GCLC: variants seen among roughly 807,000 people sequenced by gnomAD.
GCLC encodes glutamate-cysteine ligase catalytic subunit.
A neutral mutation model predicts 81.5 loss-of-function variants in GCLC; 30 were observed. That is an observed-to-expected ratio of 0.37 (90% confidence interval 0.28 to 0.50). The LOEUF (loss-of-function observed/expected upper bound fraction) is 0.50, where lower values mean the gene tolerates loss of function less well. GCLC is among the 20% of genes least tolerant of loss of function. GCLC has a pLI of 0.96. For missense variants in GCLC, 556 were observed against 777.4 expected (o/e 0.72, Z 3.39); for synonymous variants, 262 against 273.3 (o/e 0.96, Z 0.41).
chr6:53,514,644 C>G, intron 4 of GCLC, 147 bp from the exon 5 acceptor site: 2 of 723,952 alleles, frequency 2.8e-6, no homozygotes. Context: ...TCTGTGGTGT[C>G]AAGACACTAC....
chr6:53,534,665 GGA>G (rs890175787), intron 1 of GCLC, among the ~76,000 whole-genome samples: 3 of 152,044 alleles, frequency 2.0e-5, no homozygotes, highest in Non-Finnish European at 4.4e-5. Flanking sequence ...AGAGCCCAGT[GGA>G]CTCCCTGGGT....
intron 3 of GCLC, among the ~76,000 whole-genome samples, chr6:53,519,745 T>C (rs1762951842): frequency 6.6e-6 from 1 of 152,106 alleles, no homozygotes; most frequent in South Asian, 2.1e-4. Context: ...TTTTTCCTTC[T>C]GGGGGTGGAG....
chr6:53,512,710 G>C (rs546953150), intron 6 of GCLC, among the ~76,000 whole-genome samples: 1 of 152,056 alleles, frequency 6.6e-6, no homozygotes, highest in Non-Finnish European at 1.5e-5. Context: ...CTATCTACAA[G>C]CAACAAAAAT....
chr6:53,535,260 A>G (rs1210235917), intron 1 of GCLC, among the ~76,000 whole-genome samples: 3 of 152,336 alleles, frequency 2.0e-5, no homozygotes, highest in Admixed American at 2.0e-4. Flanking sequence ...TAAGACTGTA[A>G]TCCTAGCACT....
In GCLC at chr6:53,498,940, A is replaced by T; in HGVS notation, c.1730T>A (p.Met577Lys). ...AGGATGGTTTGCGATAAACTCCCTC[A>T]TCCATCTGGCAACTGTCATTAGTTC... ...SGELMTVARW[M>K]REFIANHPDY... is the part of the protein sequence containing the mutation. The change falls in exon 16 of 16, where the codon ATG becomes AAG. Residue 577 changes from methionine to lysine, a missense_variant. Coordinates refer to ENST00000650454, the MANE Select transcript of GCLC (RefSeq NM_001498.4). The T allele has an allele frequency of 6.2e-7, 1 of 1,613,220 alleles. No individual in the cohort carries two copies. The highest frequency in any genetic ancestry group is 8.5e-7 in the Non-Finnish European group (1 of 1,179,262).
At chr6:53,513,025 A>G (rs760031565) in intron 6 of GCLC, 7 of 152,220 alleles carry the variant, frequency 4.6e-5, no homozygotes, top group Non-Finnish European at 8.8e-5. Context: ...GTTTATTTGG[A>G]AGTCACATAT....
chr6:53,500,664 TA>T, intron 12 of GCLC, 151 bp from the exon 13 acceptor site: 1 of 686,476 alleles, frequency 1.5e-6, no homozygotes. Context: ...ACAGGCTTTT[TA>T]TTTATGTGAG....
chr6:53,500,542 T>C (rs1764490875), intron 12 of GCLC, 29 bp from the exon 13 acceptor site: 1 of 1,471,464 alleles, frequency 6.8e-7, no homozygotes, highest in South Asian at 1.1e-5. Flanking sequence ...CACGACTAAG[T>C]CAAAATATTC....
chr6:53,530,336 T>C (rs932491348), intron 1 of GCLC, among the ~76,000 whole-genome samples: 3 of 152,208 alleles, frequency 2.0e-5, no homozygotes, highest in Non-Finnish European at 2.9e-5. Context: ...CTGGGTGTTA[T>C]AGTGGATCCC....
intron 1 of GCLC, among the ~76,000 whole-genome samples, chr6:53,533,797 CTTTT>C (rs558357229): frequency 7.0e-6 from 1 of 141,850 alleles, no homozygotes; most frequent in Admixed American, 7.0e-5. Flanking sequence ...TTTTTCTTTT[CTTTT>C]TTTTTTTTTT....
rs1969654 is a variant in GCLC at position 53,503,992 on chromosome 6, C to A, written c.1395+1400G>T. Among the ~76,000 whole-genome samples, 1,876 of 152,192 alleles carry A rather than the reference C, an allele frequency of 0.012. 101 individuals carry two copies. In the East Asian group the frequency reaches 0.18, roughly 15 times the overall value. On this transcript the variant is annotated intron_variant, in intron 12 of 15. Transcript: ENST00000650454. ...TACTTGTTTTATGGATGTGACTGAA[C>A]CTCTCTAGAATTTGTCTGAGGCCAC...
intron 1 of GCLC, among the ~76,000 whole-genome samples, chr6:53,531,141 G>T (rs138014823): frequency 1.8e-4 from 28 of 152,230 alleles, no homozygotes; most frequent in Admixed American, 1.8e-3. Context: ...TACCACTCAG[G>T]GGTTAGTGGT....
chr6:53,502,175 G>A (rs1764525822), intron 12 of GCLC, among the ~76,000 whole-genome samples: 1 of 152,184 alleles, frequency 6.6e-6, no homozygotes. Flanking sequence ...TTTGAAAAAA[G>A]ATGTGGTATG....
At chr6:53,519,196 T>G (rs1384105892) in intron 3 of GCLC, among the ~76,000 whole-genome samples, 1 of 152,224 alleles carries the variant, frequency 6.6e-6, no homozygotes, top group Admixed American at 6.5e-5. Flanking sequence ...ATGGTTAACC[T>G]GACCTGGCCT....
At chr6:53,541,275 C>G (rs978547771) in intron 1 of GCLC, among the ~76,000 whole-genome samples, 2 of 152,112 alleles carry the variant, frequency 1.3e-5, no homozygotes, top group Admixed American at 1.3e-4. Flanking sequence ...GTATCTGCAT[C>G]CCAGATCAAG....
At chr6:53,508,197 G>T (rs977050516) in intron 8 of GCLC, among the ~76,000 whole-genome samples, 2 of 152,136 alleles carry the variant, frequency 1.3e-5, no homozygotes, top group African/African-American at 4.8e-5. Context: ...AGATGCAAGG[G>T]TTACTTTACA....
chr6:53,521,482 C>T (rs1439321626), intron 2 of GCLC, among the ~76,000 whole-genome samples: 4 of 152,030 alleles, frequency 2.6e-5, no homozygotes, highest in Admixed American at 1.3e-4. Context: ...ACTGAAAATG[C>T]ACACAGAGCA....
chr6:53,522,708 A>G (rs1763020203), intron 1 of GCLC, 181 bp from the exon 2 acceptor site: 2 of 546,104 alleles, frequency 3.7e-6, no homozygotes, highest in South Asian at 3.9e-5. Flanking sequence ...AACCTGTAGA[A>G]AGGATCAGTC....
intron 6 of GCLC, chr6:53,513,435 T>C (rs1482513202): frequency 1.3e-5 from 2 of 152,238 alleles, no homozygotes; most frequent in African/African-American, 2.4e-5. Flanking sequence ...AAAATAAATA[T>C]TAGCTTAGAG....
Sources: allele counts gnomAD v4.1 joint callset (sites outside exome capture counted in the v4.1 genomes callset), GRCh38; gene constraint gnomAD v4.1.1; transcripts MANE v1.5; gene names NCBI Gene and HGNC (gene_info 2026-07-23, HGNC 2026-07-21).